Variants in EPG5 observed in about 807,000 individuals in gnomAD.
The protein encoded by EPG5 is ectopic P-granules 5 autophagy tethering factor, also known as ectopic P granules protein 5 homolog.
Under a neutral mutation model 302.7 loss-of-function variants are expected in EPG5, and 159 were observed. The ratio of observed to expected loss-of-function variants is 0.53; its 90% CI spans 0.46 to 0.60. The LOEUF is 0.60. Among genes scored for constraint, EPG5 ranks in the 20% least tolerant of loss-of-function variants. The pLI is 0.00. For synonymous variants in EPG5, 1,158 were observed against 1,136.8 expected, an observed-to-expected ratio of 1.02 and a Z score of -0.37; for missense variants, 2,896 against 3,092.4, an observed-to-expected ratio of 0.94 and a Z score of 1.51.
chr18:45,897,399 G>A (rs1324092724), intron 27 of EPG5, among the ~76,000 whole-genome samples: 1 of 152,146 alleles, frequency 6.6e-6, no homozygotes, highest in African/African-American at 2.4e-5. Flanking sequence ...ACACAAATTG[G>A]TGAAGACACC....
the EPG5 span, among the ~76,000 whole-genome samples, chr18:45,801,410 C>T: frequency 3.3e-5 from 5 of 152,158 alleles, no homozygotes; most frequent in Admixed American, 2.0e-4. Context: ...CTCAAGCAAT[C>T]CTCCTCCCTT....
chr18:45,937,484 G>A (rs1036534254), intron 10 of EPG5, among the ~76,000 whole-genome samples: 4 of 151,972 alleles, frequency 2.6e-5, no homozygotes, highest in Non-Finnish European at 5.9e-5. Flanking sequence ...TCAGCTCACC[G>A]CAACCTCCAC....
At chr18:45,939,051 G>A (rs1040538223) in intron 10 of EPG5, among the ~76,000 whole-genome samples, 2 of 152,198 alleles carry the variant, frequency 1.3e-5, no homozygotes, top group Admixed American at 6.5e-5. Flanking sequence ...AGGGAGCACG[G>A]GATGTGCAGC....
At chr18:45,864,743 T>G (rs2048710299) in intron 39 of EPG5, among the ~76,000 whole-genome samples, 1 of 152,252 alleles carries the variant, frequency 6.6e-6, no homozygotes, top group South Asian at 2.1e-4. Context: ...AGATTGAGGT[T>G]GTTGTTATTA....
At chr18:45,903,831 G>A (rs934648907) in intron 25 of EPG5, 142 bp downstream of exon 25, 3 of 805,076 alleles carry the variant, frequency 3.7e-6, no homozygotes, top group Non-Finnish European at 5.6e-6. Flanking sequence ...ACACCATTGT[G>A]TAAGTCAACT....
At chr18:45,901,259 T>A in intron 25 of EPG5, 92 bp from the exon 26 acceptor site, 1 of 1,109,874 alleles carries the variant, frequency 9.0e-7, no homozygotes, top group Non-Finnish European at 1.3e-6. Context: ...ATTCCTATCC[T>A]CAAAAAATTT....
At chr18:45,892,209 C>CA (rs148964115) in intron 27 of EPG5, among the ~76,000 whole-genome samples, 6,513 of 152,206 alleles carry the variant, frequency 0.043, 408 homozygotes, top group African/African-American at 0.14. Context: ...GACCCTCTCA[C>CA]AAAAAACATC....
At chr18:45,891,606 A>G (rs1438536215) in intron 27 of EPG5, among the ~76,000 whole-genome samples, 4 of 152,048 alleles carry the variant, frequency 2.6e-5, no homozygotes, top group Non-Finnish European at 5.9e-5. Flanking sequence ...CTGAGCAACT[A>G]TTTTTTATGA....
chr18:45,915,385 G>GTA, intron 20 of EPG5, 126 bp downstream of exon 20: 1 of 689,260 alleles, frequency 1.5e-6, no homozygotes, highest in South Asian at 1.9e-5. Context: ...AAATGAAAAA[G>GTA]TATACTTACA....
chr18:45,819,799 G>A, the EPG5 span, among the ~76,000 whole-genome samples: 4 of 152,112 alleles, frequency 2.6e-5, no homozygotes, highest in African/African-American at 7.2e-5. Context: ...TTTTCAGGAT[G>A]AATCTGAATT....
At chr18:45,857,205 G>A (rs759845671) in intron 42 of EPG5, among the ~76,000 whole-genome samples, 1 of 152,076 alleles carries the variant, frequency 6.6e-6, no homozygotes, top group South Asian at 2.1e-4. Context: ...TGTCTCCCGG[G>A]TTCAAGCGAT....
In EPG5 at chr18:45,850,880, A is replaced by T. The variant is rs569511767; in HGVS notation, c.*1587T>A. On this transcript the variant is annotated 3_prime_UTR_variant, in exon 44 of 44. Coordinates refer to ENST00000282041, the MANE Select transcript of EPG5 (RefSeq NM_020964.3). ...CAGCTTCTCAAATTTTCTTATACAGAGAACAAGATGATTAATTTTGAAAAC... is the reference window on the plus strand; with the variant it reads ...CAGCTTCTCAAATTTTCTTATACAGTGAACAAGATGATTAATTTTGAAAAC... 10 of 152,778 alleles carry T rather than the reference A, an allele frequency of 6.5e-5. No homozygotes were observed. The highest frequency in any genetic ancestry group is 2.4e-4 in the African/African-American group (10 of 41,594). 9.5% of individuals were successfully genotyped at this position (152,778 alleles called of 1,614,324 possible).
intron 43 of EPG5, 84 bp downstream of exon 43, chr18:45,855,489 C>A: frequency 1.1e-6 from 1 of 872,830 alleles, no homozygotes; most frequent in Non-Finnish European, 1.9e-6. Context: ...CATGTCATGA[C>A]GCGCACAGGC....
chr18:45,837,403 C>T, the EPG5 span: 1 of 1,366,246 alleles, frequency 7.3e-7, no homozygotes, highest in Non-Finnish European at 9.5e-7. Context: ...CCTGGGGTTT[C>T]CAGGCTAGGG....
rs142004848 is a variant in EPG5 at position 45,849,533 on chromosome 18, A to T, written c.*2934T>A. ...CAGTGAAAAAGTATATATCACCTTC[A>T]TTTGAAAGGAACGAGGACATGAACA... On this transcript the variant is annotated 3_prime_UTR_variant, in exon 44 of 44. Transcript: ENST00000282041. 1.5e-4 allele frequency: 23 copies of T among 152,382 alleles called. No individual in the cohort carries two copies. The highest frequency in any genetic ancestry group is 5.5e-4 in the African/African-American group (23 of 41,578). 9.4% of individuals were successfully genotyped at this position (152,382 alleles called of 1,614,324 possible).
Position 45,850,689 on chromosome 18 carries a change from A to G in EPG5, c.*1778T>C, listed in dbSNP as rs1041012566. On this transcript the variant is annotated 3_prime_UTR_variant, in exon 44 of 44. Coordinates refer to ENST00000282041, the MANE Select transcript of EPG5 (RefSeq NM_020964.3). ...ATTTTATTTTTTATAATTTTTACAGACCAAAAAACATTATACAGATTAATC... is the reference window on the plus strand; with the variant it reads ...ATTTTATTTTTTATAATTTTTACAGGCCAAAAAACATTATACAGATTAATC... The G allele has an allele frequency of 1.3e-5, 2 of 152,642 alleles. No individual in the cohort carries two copies. The highest frequency in any genetic ancestry group is 4.8e-5 in the African/African-American group (2 of 41,450). 9.5% of individuals were successfully genotyped at this position (152,642 alleles called of 1,614,324 possible). A position where few individuals can be genotyped will look rare whatever the true frequency, so the allele number is the denominator to read the frequency against.
chr18:45,916,411 G>A (rs200435465), intron 18 of EPG5, 27 bp downstream of exon 18: 3 of 1,598,576 alleles, frequency 1.9e-6, no homozygotes, highest in African/African-American at 1.3e-5. Flanking sequence ...AGGCGGGAGT[G>A]TGCTTAGGGG....
At chr18:45,807,719 A>C in the EPG5 span, among the ~76,000 whole-genome samples, 1 of 152,194 alleles carries the variant, frequency 6.6e-6, no homozygotes, top group Non-Finnish European at 1.5e-5. Context: ...GGGACAAAAA[A>C]AATCTGAACA....
chr18:45,884,886 G>A (rs924105717), intron 29 of EPG5, 75 bp from the exon 30 acceptor site: 29 of 1,054,150 alleles, frequency 2.8e-5, no homozygotes, highest in Non-Finnish European at 3.7e-5. Flanking sequence ...AAATTTTTAA[G>A]GGGCACCAAA....
Sources: allele counts gnomAD v4.1 joint callset (sites outside exome capture counted in the v4.1 genomes callset), GRCh38; gene constraint gnomAD v4.1.1; transcripts MANE v1.5; gene names NCBI Gene and HGNC (gene_info 2026-07-23, HGNC 2026-07-21).